FYCO1: variants seen among roughly 807,000 people sequenced by gnomAD.
The protein encoded by FYCO1 is FYVE and coiled-coil domain-containing protein 1.
Under a neutral mutation model 165.1 loss-of-function variants are expected in FYCO1, and 122 were observed. That is an observed-to-expected ratio of 0.74 (90% CI 0.64 to 0.86). The LOEUF (loss-of-function observed/expected upper bound fraction) is 0.86, where lower values mean the gene tolerates loss of function less well. FYCO1 is among the 40% of genes least tolerant of loss of function. The pLI is 0.00. For synonymous variants in FYCO1, 648 were observed against 742.5 expected (o/e 0.87, Z 2.07); for missense variants, 1,702 against 1,810.3 (o/e 0.94, Z 1.09).
chr3:45,936,011 G>A (rs1048000378), intron 15 of FYCO1, among the ~76,000 whole-genome samples: 2 of 152,086 alleles, frequency 1.3e-5, no homozygotes, highest in African/African-American at 2.4e-5. Flanking sequence ...ATTTGTTTGT[G>A]TCAAAAATTA....
intron 7 of FYCO1, among the ~76,000 whole-genome samples, chr3:45,969,392 G>C (rs60663814): frequency 1.8e-3 from 275 of 152,342 alleles, no homozygotes; most frequent in African/African-American, 6.3e-3. Flanking sequence ...GTCACAGCTG[G>C]TAGGTGAGAA....
At chr3:45,991,290 A>G (rs992906457) in intron 1 of FYCO1, among the ~76,000 whole-genome samples, 2 of 152,112 alleles carry the variant, frequency 1.3e-5, no homozygotes, top group Admixed American at 6.5e-5. Context: ...AAGTGTGTCT[A>G]CTCCACACTG....
chr3:45,969,052 C>T (rs1315304092), intron 7 of FYCO1, among the ~76,000 whole-genome samples: 4 of 152,214 alleles, frequency 2.6e-5, no homozygotes, highest in African/African-American at 9.7e-5. Flanking sequence ...CCCGTAACTG[C>T]AACTCCTGGC....
intron 3 of FYCO1, among the ~76,000 whole-genome samples, chr3:45,980,232 C>T (rs1402595207): frequency 6.6e-6 from 1 of 151,940 alleles, no homozygotes; most frequent in Non-Finnish European, 1.5e-5. Flanking sequence ...GCCTGTGATC[C>T]CAGCTACTCA....
chr3:45,918,598 T>C lies in FYCO1; in HGVS notation c.*3167A>G, dbSNP rs1037299085. The stretch of plus-strand genomic sequence containing the variant: ...GCGCACTTTTAAAACTGAAACTCCT[T>C]TAAAATTTCATCAGTGGACATCCAA... On this transcript the variant is annotated 3_prime_UTR_variant, in exon 18 of 18. Coordinates refer to ENST00000296137, the MANE Select transcript of FYCO1 (RefSeq NM_024513.4). 2 of 152,154 alleles carry C rather than the reference T, an allele frequency of 1.3e-5. No homozygotes were observed. Among genetic ancestry groups the C allele is most frequent in the African/African-American group, 4.8e-5 (2 of 41,420 alleles). The allele number at this position is 152,154 out of a possible 1,614,324, so 9.4% of individuals were successfully genotyped here.
intron 4 of FYCO1, among the ~76,000 whole-genome samples, chr3:45,976,617 G>A (rs183969528): frequency 6.6e-6 from 1 of 152,322 alleles, no homozygotes; most frequent in Non-Finnish European, 1.5e-5. Flanking sequence ...GGAAGGGGGA[G>A]CAGTGGTTTG....
chr3:45,955,735 C>A (rs887226590), intron 13 of FYCO1, among the ~76,000 whole-genome samples: 7 of 152,210 alleles, frequency 4.6e-5, no homozygotes, highest in African/African-American at 1.4e-4. Context: ...AACCTAATAA[C>A]AGAAAACACA....
chr3:45,988,856 G>C (rs1395926367), intron 1 of FYCO1, among the ~76,000 whole-genome samples: 1 of 152,194 alleles, frequency 6.6e-6, no homozygotes, highest in African/African-American at 2.4e-5. Flanking sequence ...CATTTTAGAA[G>C]TAAAGGACCT....
intron 16 of FYCO1, among the ~76,000 whole-genome samples, chr3:45,930,508 C>G (rs1703538526): frequency 6.6e-6 from 1 of 152,228 alleles, no homozygotes; most frequent in African/African-American, 2.4e-5. Flanking sequence ...CCCCTAGAGA[C>G]TCTAATTTGC....
At chr3:45,953,743 G>A (rs2125832100) in intron 14 of FYCO1, among the ~76,000 whole-genome samples, 1 of 152,308 alleles carries the variant, frequency 6.6e-6, no homozygotes, top group East Asian at 1.9e-4. Context: ...AAATACCAGT[G>A]CTAGGGCAAA....
At chr3:45,976,462 G>C (rs1393760788) in intron 4 of FYCO1, among the ~76,000 whole-genome samples, 3 of 152,200 alleles carry the variant, frequency 2.0e-5, no homozygotes, top group Non-Finnish European at 4.4e-5. Flanking sequence ...AGAAACTCAA[G>C]AAAGTAGGCA....
In FYCO1 at chr3:45,967,473, G is replaced by A; in HGVS notation, c.1861C>T (p.Leu621=). ...ACCACATTCTGTAGCTCCTTCTCCAGCTCCCTGTTGGCCTGCCGGAGCTCT... is the reference window on the plus strand; with the variant it reads ...ACCACATTCTGTAGCTCCTTCTCCAACTCCCTGTTGGCCTGCCGGAGCTCT... ...EEELRQANRE[L]EKELQNVVGR... The change falls in exon 8 of 18, where the codon CTG becomes TTG. Residue 621 remains leucine (L), a synonymous_variant. Transcript: ENST00000296137. The A allele has an allele frequency of 6.2e-7, 1 of 1,613,568 alleles. No individual in the cohort carries two copies. The highest frequency in any genetic ancestry group is 1.3e-5 in the African/African-American group (1 of 75,020).
chr3:45,995,233 T>C (rs1489773061), intron 1 of FYCO1, among the ~76,000 whole-genome samples: 2 of 152,224 alleles, frequency 1.3e-5, no homozygotes, highest in Non-Finnish European at 2.9e-5. Context: ...AGAAAGAAGC[T>C]TCTTCCCCTC....
chr3:45,984,653 T>A, intron 2 of FYCO1: 1 of 671,150 alleles, frequency 1.5e-6, no homozygotes, highest in Non-Finnish European at 2.7e-6. Flanking sequence ...TACAGTTCTC[T>A]GAAAGGAAAC....
At chr3:45,984,794 G>C in intron 2 of FYCO1, 62 bp downstream of exon 2, 2 of 1,551,912 alleles carry the variant, frequency 1.3e-6, no homozygotes, top group Non-Finnish European at 1.8e-6. Flanking sequence ...ACTGGCAACA[G>C]CAAAAAGCCC....
In FYCO1 at chr3:45,966,748, C is replaced by G. The variant is rs758033062; in HGVS notation, c.2586G>C (p.Glu862Asp). ...EGALQEERAD[E>D]AQQREEELRA... ...GCAGCTCCTCCTCCCTCTGCTGGGC[C>G]TCATCGGCCCTCTCCTCCTGCAGTG... Residue 862 changes from glutamate to aspartate, a missense_variant, in exon 8 of 18, where the codon GAG (glutamate) becomes GAC (aspartate). Glu to Asp is a conservative substitution (Grantham distance 45). Transcript: ENST00000296137. 1.9e-5 allele frequency: 30 copies of G among 1,610,770 alleles called. No homozygotes were observed. In the South Asian group the frequency reaches 3.3e-4, roughly 18 times the overall value.
At chr3:45,924,236 G>A (rs1703218866) in intron 16 of FYCO1, among the ~76,000 whole-genome samples, 1 of 152,102 alleles carries the variant, frequency 6.6e-6, no homozygotes. Context: ...CTCCAGGCTC[G>A]ACATCTCTGG....
rs34324101 is a variant in FYCO1, at chr3:45,959,236, T to G, written c.3587+157A>C. Among the ~76,000 whole-genome samples, 13,554 of 152,302 alleles carry G rather than the reference T, an allele frequency of 0.089. 1,012 individuals carry two copies. The highest frequency in any genetic ancestry group is 0.35 in the South Asian group (1,691 of 4,830). On this transcript the variant is annotated intron_variant, in intron 12 of 17. Transcript: ENST00000296137. ...TGTTAGGATCCCAACTAATACACCT[T>G]CCTTACCTGGTTCCCTTAAAGCCAA...
intron 14 of FYCO1, among the ~76,000 whole-genome samples, chr3:45,949,635 T>C (rs887266582): frequency 1.3e-5 from 2 of 152,122 alleles, no homozygotes; most frequent in African/African-American, 2.4e-5. Context: ...CCTTCCCTCC[T>C]GGGGTGCTCA....
Sources: allele counts gnomAD v4.1 joint callset (sites outside exome capture counted in the v4.1 genomes callset), GRCh38; gene constraint gnomAD v4.1.1; transcripts MANE v1.5; gene names NCBI Gene and HGNC (gene_info 2026-07-23, HGNC 2026-07-21).